The following ASIC2 variants were observed in gnomAD, a reference collection of about 807,000 sequenced individuals.
ASIC2 encodes acid-sensing ion channel 2.
Under a neutral mutation model 57.3 loss-of-function variants are expected in ASIC2, and 25 were observed. That is an observed-to-expected ratio of 0.44 (90% confidence interval 0.32 to 0.61). ASIC2 has a LOEUF of 0.61. Ranked by LOEUF, ASIC2 falls within the 20% of genes least tolerant of loss-of-function variation. The pLI, the probability that ASIC2 is intolerant of heterozygous loss-of-function variation, is 0.06. For synonymous variants in ASIC2, 319 were observed against 307.5 expected (o/e 1.04, Z -0.39); for missense variants, 641 against 738.1 (o/e 0.87, Z 1.52).
intron 1 of ASIC2, among the ~76,000 whole-genome samples, chr17:33,677,892 A>G (rs1387594442): frequency 6.6e-6 from 1 of 152,232 alleles, no homozygotes; most frequent in African/African-American, 2.4e-5. Context: ...TAGTTGATAA[A>G]GCAGCAGCAG....
intron 1 of ASIC2, chr17:34,038,698 A>T (rs1266257925): frequency 6.3e-7 from 1 of 1,599,670 alleles, no homozygotes; most frequent in African/African-American, 1.3e-5. Flanking sequence ...TTTTAAGATG[A>T]CCTAATCTGA....
intron 1 of ASIC2, among the ~76,000 whole-genome samples, chr17:33,882,396 A>C (rs1326594721): frequency 6.6e-6 from 1 of 152,184 alleles, no homozygotes; most frequent in Non-Finnish European, 1.5e-5. Context: ...TCTACAAAGA[A>C]CTCAAACAAA....
chr17:33,126,278 T>C (rs1305498857), intron 1 of ASIC2, among the ~76,000 whole-genome samples: 2 of 152,250 alleles, frequency 1.3e-5, no homozygotes, highest in South Asian at 2.1e-4. Flanking sequence ...GCCTGAGTCA[T>C]GTGACCTTGG....
intron 1 of ASIC2, among the ~76,000 whole-genome samples, chr17:33,992,108 G>A (rs1301954604): frequency 6.6e-6 from 1 of 152,136 alleles, no homozygotes; most frequent in Non-Finnish European, 1.5e-5. Flanking sequence ...TACCTACTGT[G>A]ATAGAACTGG....
intron 1 of ASIC2, among the ~76,000 whole-genome samples, chr17:33,767,688 A>G (rs1180251857): frequency 6.6e-6 from 1 of 152,272 alleles, no homozygotes; most frequent in Non-Finnish European, 1.5e-5. Context: ...ATACTACAAA[A>G]GGACAAAGAG....
chr17:33,017,023 C>G (rs1346073782), intron 8 of ASIC2, among the ~76,000 whole-genome samples: 1 of 152,200 alleles, frequency 6.6e-6, no homozygotes, highest in Non-Finnish European at 1.5e-5. Context: ...TCAGAGGCCT[C>G]GTTCCAGCTG....
intron 1 of ASIC2, among the ~76,000 whole-genome samples, chr17:33,579,597 G>C (rs184828406): frequency 6.6e-6 from 1 of 151,980 alleles, no homozygotes; most frequent in Admixed American, 6.5e-5. Flanking sequence ...TAAAGATGGT[G>C]TGTCGGGAGT....
intron 1 of ASIC2, among the ~76,000 whole-genome samples, chr17:33,714,762 G>C (rs117109781): frequency 7.0e-6 from 1 of 143,318 alleles, no homozygotes; most frequent in South Asian, 2.2e-4. Flanking sequence ...ACAACCAAAT[G>C]TTGTTGTTTC....
intron 1 of ASIC2, among the ~76,000 whole-genome samples, chr17:33,328,555 C>A (rs996388317): frequency 9.9e-5 from 15 of 152,070 alleles, no homozygotes; most frequent in Non-Finnish European, 2.2e-4. Context: ...CTCTGGTGAC[C>A]ACGTTTCTGT....
At chr17:33,266,830 G>T (rs1909481358) in intron 1 of ASIC2, among the ~76,000 whole-genome samples, 1 of 152,046 alleles carries the variant, frequency 6.6e-6, no homozygotes, top group Admixed American at 6.5e-5. Context: ...TCAAAATGTT[G>T]GCTCCCTGTG....
chr17:33,273,313 A>C (rs769120626), intron 1 of ASIC2, among the ~76,000 whole-genome samples: 1 of 152,224 alleles, frequency 6.6e-6, no homozygotes, highest in Non-Finnish European at 1.5e-5. Context: ...GTTTCTAACC[A>C]TGACTTATCG....
chr17:33,337,588 T>A (rs567644061), intron 1 of ASIC2, among the ~76,000 whole-genome samples: 87 of 152,370 alleles, frequency 5.7e-4, no homozygotes, highest in African/African-American at 2.0e-3. Flanking sequence ...GATAATTCGT[T>A]TGGCAAACAT....
chr17:33,191,186 G>A (rs1024753723), intron 1 of ASIC2, among the ~76,000 whole-genome samples: 1 of 152,002 alleles, frequency 6.6e-6, no homozygotes, highest in African/African-American at 2.4e-5. Context: ...AACATGGAGA[G>A]GTCTAAAAAT....
At chr17:33,835,480 C>T (rs1000048161) in intron 1 of ASIC2, among the ~76,000 whole-genome samples, 10 of 151,792 alleles carry the variant, frequency 6.6e-5, no homozygotes, top group African/African-American at 2.4e-4. Flanking sequence ...TATTTACTCC[C>T]TCCTCCTCTC....
intron 1 of ASIC2, among the ~76,000 whole-genome samples, chr17:33,813,340 C>A (rs1207849728): frequency 6.6e-6 from 1 of 152,224 alleles, no homozygotes; most frequent in African/African-American, 2.4e-5. Context: ...GGTCCTCAAC[C>A]GCACTCAAGG....
At chr17:33,692,657 G>A (rs1908408602) in intron 1 of ASIC2, among the ~76,000 whole-genome samples, 1 of 152,126 alleles carries the variant, frequency 6.6e-6, no homozygotes, top group Admixed American at 6.5e-5. Flanking sequence ...AGTTGCTCTG[G>A]GTGAGCCACT....
intron 1 of ASIC2, among the ~76,000 whole-genome samples, chr17:33,888,164 A>G (rs1485366335): frequency 6.6e-6 from 1 of 152,176 alleles, no homozygotes. Flanking sequence ...CTATACATAC[A>G]TGTAATGGTT....
chr17:33,123,424 T>C (rs762960436), intron 1 of ASIC2, among the ~76,000 whole-genome samples: 1 of 152,202 alleles, frequency 6.6e-6, no homozygotes, highest in Non-Finnish European at 1.5e-5. Context: ...ATGATCTCAC[T>C]TATATATGTG....
At chr17:33,051,740 G>A (rs891562647) in intron 3 of ASIC2, among the ~76,000 whole-genome samples, 47 of 152,070 alleles carry the variant, frequency 3.1e-4, no homozygotes, top group Admixed American at 2.4e-3. Context: ...AGAATCTAGC[G>A]CACTGCCTAT....
Sources: allele counts gnomAD v4.1 joint callset (sites outside exome capture counted in the v4.1 genomes callset), GRCh38; gene constraint gnomAD v4.1.1; transcripts MANE v1.5; gene names NCBI Gene and HGNC (gene_info 2026-07-23, HGNC 2026-07-21).